Variants in NCAM2 observed in about 807,000 individuals in gnomAD.
NCAM2 encodes the protein N-CAM-2.
NCAM2 carries 30 observed loss-of-function variants against 98.1 expected under a neutral mutation model. The ratio of observed to expected loss-of-function variants is 0.31; its 90% CI spans 0.23 to 0.41. The LOEUF (loss-of-function observed/expected upper bound fraction) is 0.41. NCAM2 is among the 10% of genes least tolerant of loss of function. The probability of loss-of-function intolerance (pLI) is 1.00; values close to 1 mark genes in which losing one functional copy is unlikely to be tolerated. For missense variants in NCAM2, 867 were observed against 1,005.8 expected (o/e 0.86, Z 1.87); for synonymous variants, 368 against 342.4 (o/e 1.07, Z -0.83).
intron 9 of NCAM2, among the ~76,000 whole-genome samples, chr21:21,393,900 T>C (rs547443171): frequency 1.3e-5 from 2 of 152,302 alleles, no homozygotes; most frequent in East Asian, 3.9e-4. Flanking sequence ...AGGAAAGATA[T>C]TCTGATTAGA....
At chr21:21,043,759 C>G (rs1378187677) in intron 1 of NCAM2, among the ~76,000 whole-genome samples, 2 of 147,424 alleles carry the variant, frequency 1.4e-5, no homozygotes, top group African/African-American at 5.0e-5. Context: ...GTAGGCGTGA[C>G]AGGAGAGTGG....
chr21:21,527,344 C>T (rs1235971322), intron 16 of NCAM2, among the ~76,000 whole-genome samples: 1 of 152,020 alleles, frequency 6.6e-6, no homozygotes, highest in Non-Finnish European at 1.5e-5. Context: ...AACTCCTGAC[C>T]TCATGATAAG....
At chr21:21,535,838 A>C (rs1602582896) in intron 17 of NCAM2, among the ~76,000 whole-genome samples, 1 of 152,288 alleles carries the variant, frequency 6.6e-6, no homozygotes, top group South Asian at 2.1e-4. Flanking sequence ...AATATAAAAT[A>C]ATATGATTAA....
intron 1 of NCAM2, among the ~76,000 whole-genome samples, chr21:21,151,781 A>G (rs2067456075): frequency 6.6e-6 from 1 of 151,972 alleles, no homozygotes; most frequent in Non-Finnish European, 1.5e-5. Context: ...TTATGTTTTT[A>G]AATCTGTTTC....
chr21:21,273,088 G>C (rs1473195055), intron 1 of NCAM2, among the ~76,000 whole-genome samples: 1 of 152,060 alleles, frequency 6.6e-6, no homozygotes, highest in Non-Finnish European at 1.5e-5. Flanking sequence ...TCAAGTGCTT[G>C]AGAAGGACCA....
intron 16 of NCAM2, among the ~76,000 whole-genome samples, chr21:21,522,780 T>G (rs576874499): frequency 6.6e-6 from 1 of 151,720 alleles, no homozygotes; most frequent in Non-Finnish European, 1.5e-5. Context: ...TACAGGCGTG[T>G]GCCACCACGC....
chr21:21,278,670 T>A (rs1455151613), intron 1 of NCAM2, among the ~76,000 whole-genome samples: 1 of 152,166 alleles, frequency 6.6e-6, no homozygotes, highest in East Asian at 1.9e-4. Context: ...GAAAGTCATG[T>A]AGACCCTGCC....
chr21:21,069,179 C>G (rs1195148371), intron 1 of NCAM2, among the ~76,000 whole-genome samples: 2 of 152,080 alleles, frequency 1.3e-5, no homozygotes, highest in Non-Finnish European at 2.9e-5. Flanking sequence ...TGTAAAAATT[C>G]GACTGAAGCT....
intron 1 of NCAM2, among the ~76,000 whole-genome samples, chr21:21,089,164 A>T (rs755492933): frequency 4.6e-5 from 7 of 152,186 alleles, no homozygotes; most frequent in Non-Finnish European, 8.8e-5. Flanking sequence ...CGGAGAAGTT[A>T]TACTTTGTAA....
chr21:21,129,548 C>T (rs991774354), intron 1 of NCAM2, among the ~76,000 whole-genome samples: 2 of 152,062 alleles, frequency 1.3e-5, no homozygotes, highest in African/African-American at 2.4e-5. Flanking sequence ...TATCTCCAGT[C>T]TCCTGGAGAC....
At chr21:21,318,708 A>G (rs1432590811) in intron 5 of NCAM2, among the ~76,000 whole-genome samples, 1 of 152,200 alleles carries the variant, frequency 6.6e-6, no homozygotes, top group African/African-American at 2.4e-5. Context: ...AATTATGGTT[A>G]ATTAAATATA....
In NCAM2 at chr21:21,271,275, A is replaced by T. The variant is rs149376825; in HGVS notation, c.56-9303A>T. Reference sequence around the variant, plus strand: ...TATTTTAGCATGTATTTTCTTCCAGACCTGTGCTGGGTTTATAGACTAAGA... The same window carrying T: ...TATTTTAGCATGTATTTTCTTCCAGTCCTGTGCTGGGTTTATAGACTAAGA... On this transcript the variant is annotated intron_variant, in intron 1 of 17. Coordinates refer to ENST00000400546, the MANE Select transcript of NCAM2 (RefSeq NM_004540.5). Among the ~76,000 whole-genome samples, 8 of 152,260 alleles carry T rather than the reference A, an allele frequency of 5.3e-5. No homozygotes were observed. The East Asian group carries it at 1.5e-3, about 29-fold the overall frequency.
intron 1 of NCAM2, among the ~76,000 whole-genome samples, chr21:21,022,826 T>A (rs560353748): frequency 1.2e-4 from 18 of 152,282 alleles, no homozygotes; most frequent in African/African-American, 4.3e-4. Flanking sequence ...AAGGTGAGGA[T>A]GTCAAGAAGT....
intron 1 of NCAM2, among the ~76,000 whole-genome samples, chr21:21,010,784 A>ATATATT (rs2064195052): frequency 1.3e-5 from 2 of 152,114 alleles, no homozygotes; most frequent in Admixed American, 6.6e-5. Flanking sequence ...AAGAAGATAA[A>ATATATT]TCTTTATAAG....
chr21:21,025,367 G>C (rs1317164363), intron 1 of NCAM2, among the ~76,000 whole-genome samples: 2 of 152,210 alleles, frequency 1.3e-5, no homozygotes, highest in Non-Finnish European at 2.9e-5. Context: ...TTACAGGCGA[G>C]AGCCACTGCG....
At chr21:21,494,738 T>A (rs1987095400) in intron 15 of NCAM2, among the ~76,000 whole-genome samples, 1 of 151,848 alleles carries the variant, frequency 6.6e-6, no homozygotes, top group Non-Finnish European at 1.5e-5. Context: ...ATAGATAAGA[T>A]AATAGATATT....
In NCAM2 at chr21:21,104,114, A is replaced by G. The variant is rs142723229; in HGVS notation, c.55+105496A>G. ...CATTAATTAACTTTTTTGAAACTCA[A>G]TTTCCACAAGTGAAAAATACATATG... On this transcript the variant is annotated intron_variant, in intron 1 of 17. Transcript: ENST00000400546. 7.4e-3 allele frequency among the ~76,000 whole-genome samples: 1,127 copies of G among 152,228 alleles called. 8 individuals carry two copies. The highest frequency in any genetic ancestry group is 0.011 in the South Asian group (55 of 4,822).
At chr21:21,308,987 A>C (rs2073963463) in intron 5 of NCAM2, among the ~76,000 whole-genome samples, 1 of 152,156 alleles carries the variant, frequency 6.6e-6, no homozygotes, top group South Asian at 2.1e-4. Flanking sequence ...ATATGTAGAC[A>C]CATGATTTTT....
At chr21:21,167,326 A>C (rs7275833) in intron 1 of NCAM2, among the ~76,000 whole-genome samples, 73,524 of 151,426 alleles carry the variant, frequency 0.49, 18,330 homozygotes, top group South Asian at 0.6. Flanking sequence ...AATCCAATAT[A>C]TCTGTTTACT....
Sources: gnomAD v4.1 joint callset for allele counts (sites outside exome capture counted in the v4.1 genomes callset) on GRCh38, gnomAD v4.1.1 for gene constraint, MANE v1.5 for transcripts, NCBI Gene and HGNC (gene_info 2026-07-23, HGNC 2026-07-21) for gene names.